Variants in TMEM131 observed in about 807,000 individuals in gnomAD.
The protein encoded by TMEM131 is 2610524E03Rik.
TMEM131 carries 66 observed loss-of-function variants against 211.6 expected under a neutral mutation model. That is an observed-to-expected ratio of 0.31 (90% CI 0.26 to 0.38). The LOEUF (loss-of-function observed/expected upper bound fraction) is 0.38, where lower values mean the gene tolerates loss of function less well. TMEM131 is among the 10% of genes least tolerant of loss of function. The pLI is 1.00. For missense variants in TMEM131, 2,036 were observed against 2,299.3 expected, an observed-to-expected ratio of 0.89 and a Z score of 2.34; for synonymous variants, 844 against 841.3, an observed-to-expected ratio of 1.00 and a Z score of -0.06.
chr2:97,766,711 TG>T, intron 33 of TMEM131, 109 bp from the exon 34 acceptor site: 8 of 1,344,192 alleles, frequency 6.0e-6, no homozygotes, highest in Non-Finnish European at 7.2e-6. Flanking sequence ...AGGAAGCTAA[TG>T]TGGCTTCCTG....
At chr2:97,865,557 A>T (rs1674238034) in intron 4 of TMEM131, among the ~76,000 whole-genome samples, 1 of 151,906 alleles carries the variant, frequency 6.6e-6, no homozygotes, top group African/African-American at 2.4e-5. Context: ...CCCTGTATTG[A>T]TTTTTTCAAT....
At chr2:97,771,936 G>A (rs1479834639) in intron 33 of TMEM131, among the ~76,000 whole-genome samples, 1 of 152,202 alleles carries the variant, frequency 6.6e-6, no homozygotes, top group Non-Finnish European at 1.5e-5. Flanking sequence ...GAGATCTTTT[G>A]GAGGAAAGTT....
chr2:97,907,645 T>C (rs1017891927), intron 3 of TMEM131, among the ~76,000 whole-genome samples: 2 of 152,200 alleles, frequency 1.3e-5, no homozygotes, highest in African/African-American at 2.4e-5. Context: ...TTTCAGTGGA[T>C]AGTAATAATT....
intron 4 of TMEM131, among the ~76,000 whole-genome samples, chr2:97,879,891 A>G (rs1360275979): frequency 6.6e-6 from 1 of 152,190 alleles, no homozygotes; most frequent in African/African-American, 2.4e-5. Context: ...CAAAAGTTAC[A>G]TGTGAATTTT....
At chr2:97,884,978 C>T (rs1675081579) in intron 4 of TMEM131, among the ~76,000 whole-genome samples, 3 of 152,156 alleles carry the variant, frequency 2.0e-5, no homozygotes. Flanking sequence ...TTGTTCTGTA[C>T]TTCTTTTCTT....
intron 4 of TMEM131, among the ~76,000 whole-genome samples, chr2:97,884,612 G>C (rs6755021): frequency 0.27 from 40,795 of 152,048 alleles, 5,977 homozygotes; most frequent in Middle Eastern, 0.37. Context: ...AGTGCTAGGT[G>C]CATATATATT....
At chr2:97,775,397 C>A (rs1348164206) in intron 32 of TMEM131, among the ~76,000 whole-genome samples, 1 of 152,174 alleles carries the variant, frequency 6.6e-6, no homozygotes, top group Non-Finnish European at 1.5e-5. Flanking sequence ...TGGGAGTAAG[C>A]GGCCACCAAA....
At chr2:97,811,260 A>G in intron 17 of TMEM131, 28 bp from the exon 18 acceptor site, 2 of 1,552,292 alleles carry the variant, frequency 1.3e-6, no homozygotes, top group Non-Finnish European at 1.8e-6. Context: ...GGTATCATTC[A>G]TTAGCCTTGT....
At chr2:97,871,599 T>C (rs1403825660) in intron 4 of TMEM131, among the ~76,000 whole-genome samples, 3 of 152,166 alleles carry the variant, frequency 2.0e-5, no homozygotes, top group Admixed American at 1.3e-4. Context: ...ACTCAACCGG[T>C]CCTGTGGCCC....
intron 3 of TMEM131, among the ~76,000 whole-genome samples, chr2:97,898,322 T>C (rs1675704293): frequency 6.6e-6 from 1 of 152,100 alleles, no homozygotes; most frequent in African/African-American, 2.4e-5. Context: ...CCAGAAAACT[T>C]GGTATGTTGT....
intron 7 of TMEM131, among the ~76,000 whole-genome samples, chr2:97,841,150 T>G (rs1683174534): frequency 6.6e-6 from 1 of 152,106 alleles, no homozygotes; most frequent in Non-Finnish European, 1.5e-5. Context: ...ACAACACAAC[T>G]AGAAGCCACA....
intron 1 of TMEM131, among the ~76,000 whole-genome samples, chr2:97,970,183 A>G (rs1175785220): frequency 6.6e-6 from 1 of 152,212 alleles, no homozygotes; most frequent in African/African-American, 2.4e-5. Flanking sequence ...AAATTTGAAT[A>G]AATAAAACAC....
In TMEM131 at chr2:97,794,864, C is replaced by G. The variant is rs559717879; in HGVS notation, c.3386+66G>C. On this transcript the variant is annotated intron_variant, in intron 29 of 40. Transcript: ENST00000186436. ...AGCACTCAGAACAGTGGCTGGCACA[C>G]AGTGGGCACTCGATCAACAGTGTTA... 2.4e-5 allele frequency: 32 copies of G among 1,357,496 alleles called. 1 individual carries two copies. In the South Asian group the frequency reaches 3.5e-4, roughly 15 times the overall value. 84.1% of individuals were successfully genotyped at this position (1,357,496 alleles called of 1,614,324 possible).
intron 4 of TMEM131, among the ~76,000 whole-genome samples, chr2:97,866,440 G>A (rs1455020832): frequency 1.3e-5 from 2 of 152,172 alleles, no homozygotes; most frequent in African/African-American, 2.4e-5. Flanking sequence ...TCCCTGGTCA[G>A]TATAGCTAAA....
chr2:97,918,570 CCA>C (rs1326253643), intron 2 of TMEM131, among the ~76,000 whole-genome samples: 1 of 151,654 alleles, frequency 6.6e-6, no homozygotes, highest in Non-Finnish European at 1.5e-5. Flanking sequence ...GTAGGAAATC[CCA>C]CAGACAAATG....
rs773532466 is a variant in TMEM131 at position 97,801,937 on chromosome 2, C to G, written c.2676G>C (p.Lys892Asn). The change falls in exon 25 of 41, where the codon AAG becomes AAC. Residue 892 changes from lysine (K) to asparagine (N), a missense_variant. Transcript: ENST00000186436. ...VSRFNLSKVA[K>N]IDLRTLEFQV... ...GAAATTCTAGTGTTCTCAAATCTAT[C>G]TTTGCCACCTTACTCAAGTTAAACC... 3 of 1,608,028 alleles carry G rather than the reference C, an allele frequency of 1.9e-6. No individual in the cohort carries two copies. Among genetic ancestry groups the G allele is most frequent in the Non-Finnish European group, 1.7e-6 (2 of 1,177,284 alleles).
intron 2 of TMEM131, among the ~76,000 whole-genome samples, chr2:97,923,933 A>C (rs1676863722): frequency 6.6e-6 from 1 of 152,154 alleles, no homozygotes; most frequent in Non-Finnish European, 1.5e-5. Flanking sequence ...ACAAAAAATT[A>C]GTCGGGCTTG....
Position 97,815,649 on chromosome 2 carries a change from G to A in TMEM131, c.1184-342C>T, listed in dbSNP as rs544099133. ...TTGGCACTGTTAACATTTTAGGCCAGATTAATTCTTCGTTGCGGAGGCTGT... is the reference window on the plus strand; with the variant it reads ...TTGGCACTGTTAACATTTTAGGCCAAATTAATTCTTCGTTGCGGAGGCTGT... On this transcript the variant is annotated intron_variant, in intron 12 of 40. Coordinates refer to ENST00000186436, the MANE Select transcript of TMEM131 (RefSeq NM_015348.2). Among the ~76,000 whole-genome samples, 11 of 152,292 alleles carry A rather than the reference G, an allele frequency of 7.2e-5. No homozygotes were observed. The South Asian group carries it at 1.2e-3, about 17-fold the overall frequency.
At chr2:97,823,880 A>G (rs1404472597) in intron 11 of TMEM131, among the ~76,000 whole-genome samples, 2 of 152,204 alleles carry the variant, frequency 1.3e-5, no homozygotes. Context: ...AGCCACAGAT[A>G]ACAGGAGGAA....
Sources: allele counts gnomAD v4.1 joint callset (sites outside exome capture counted in the v4.1 genomes callset), GRCh38; gene constraint gnomAD v4.1.1; transcripts MANE v1.5; gene names NCBI Gene and HGNC (gene_info 2026-07-23, HGNC 2026-07-21).